ROR1: variants seen among roughly 807,000 people sequenced by gnomAD.
ROR1 encodes ROR family WNT receptor 1.
ROR1 carries 19 observed loss-of-function variants against 78.8 expected under a neutral mutation model. The ratio of observed to expected loss-of-function variants is 0.24; its 90% confidence interval spans 0.17 to 0.35. The LOEUF is 0.35. Among genes scored for constraint, ROR1 ranks in the 10% least tolerant of loss-of-function variants. The probability of loss-of-function intolerance (pLI) is 1.00; values close to 1 mark genes in which losing one functional copy is unlikely to be tolerated. For synonymous variants in ROR1, 386 were observed against 433.6 expected (o/e 0.89, Z 1.36); for missense variants, 917 against 1,177.8 (o/e 0.78, Z 3.24).
intron 4 of ROR1, among the ~76,000 whole-genome samples, chr1:64,125,912 G>T (rs1648697971): frequency 6.6e-6 from 1 of 152,112 alleles, no homozygotes; most frequent in East Asian, 1.9e-4. Flanking sequence ...GTGAGACTGG[G>T]GTTGCATTAC....
chr1:63,975,177 A>G (rs1286930454), intron 1 of ROR1, among the ~76,000 whole-genome samples: 1 of 152,214 alleles, frequency 6.6e-6, no homozygotes, highest in Non-Finnish European at 1.5e-5. Flanking sequence ...AACGAGCAGT[A>G]AAACCAAATG....
intron 1 of ROR1, among the ~76,000 whole-genome samples, chr1:63,803,925 T>G (rs1644811795): frequency 6.6e-6 from 1 of 152,172 alleles, no homozygotes; most frequent in South Asian, 2.1e-4. Flanking sequence ...AAGGGAATTG[T>G]GCTGAGTGAA....
Position 63,972,468 on chromosome 1 carries a change from G to A in ROR1, c.92-36837G>A, listed in dbSNP as rs569878457. On this transcript the variant is annotated intron_variant, in intron 1 of 8. Transcript: ENST00000371079. ...CCTGCAGTGCCTAGCACAGCTTTAG[G>A]CTCAGTAAGGTTTTTTTATTTATTT... 2.0e-4 allele frequency among the ~76,000 whole-genome samples: 31 copies of A among 152,252 alleles called. No homozygotes were observed. In the South Asian group the frequency reaches 6.0e-3, roughly 30 times the overall value.
intron 1 of ROR1, among the ~76,000 whole-genome samples, chr1:63,965,608 C>T (rs548782633): frequency 2.0e-5 from 3 of 152,168 alleles, no homozygotes; most frequent in African/African-American, 4.8e-5. Context: ...CAGGGACTTG[C>T]GTAGTTGCAT....
intron 1 of ROR1, among the ~76,000 whole-genome samples, chr1:63,925,085 C>T (rs1290969410): frequency 6.7e-6 from 1 of 150,174 alleles, no homozygotes; most frequent in Non-Finnish European, 1.5e-5. Context: ...CATATGTATA[C>T]ATGTGCCATG....
chr1:63,931,602 C>T (rs1480495458), intron 1 of ROR1, among the ~76,000 whole-genome samples: 1 of 152,160 alleles, frequency 6.6e-6, no homozygotes, highest in South Asian at 2.1e-4. Context: ...GGTGAAATCT[C>T]ACGCCTTCCT....
chr1:63,878,001 CTGAG>C (rs1398569984), intron 1 of ROR1, among the ~76,000 whole-genome samples: 2 of 152,158 alleles, frequency 1.3e-5, no homozygotes, highest in African/African-American at 4.8e-5. Flanking sequence ...AACATTCCTC[CTGAG>C]TGAGTAGTGC....
intron 1 of ROR1, among the ~76,000 whole-genome samples, chr1:63,992,805 A>G (rs1646306537): frequency 6.6e-6 from 1 of 152,190 alleles, no homozygotes; most frequent in Admixed American, 6.5e-5. Flanking sequence ...ATAGCATGTT[A>G]TTAGTATGAT....
chr1:64,067,874 G>C (rs561303955), intron 4 of ROR1, among the ~76,000 whole-genome samples: 4 of 151,882 alleles, frequency 2.6e-5, no homozygotes, highest in Non-Finnish European at 5.9e-5. Flanking sequence ...CACCGCGCCC[G>C]GGTAATTTTT....
chr1:64,048,096 T>C (rs2100589192), intron 2 of ROR1, among the ~76,000 whole-genome samples: 1 of 152,368 alleles, frequency 6.6e-6, no homozygotes, highest in African/African-American at 2.4e-5. Flanking sequence ...TGAACTCATT[T>C]TACAGACATT....
chr1:64,161,747 A>G (rs888339610), intron 8 of ROR1, among the ~76,000 whole-genome samples: 3 of 152,218 alleles, frequency 2.0e-5, no homozygotes, highest in African/African-American at 7.2e-5. Context: ...TGAACCAGAG[A>G]AGTAGAAATG....
At chr1:63,908,065 T>C (rs1569892217) in intron 1 of ROR1, among the ~76,000 whole-genome samples, 1 of 152,234 alleles carries the variant, frequency 6.6e-6, no homozygotes. Context: ...CTTTGATTTA[T>C]ATAATTACAC....
Position 63,954,607 on chromosome 1 carries a change from A to T in ROR1, c.92-54698A>T, listed in dbSNP as rs981460109. ...GTTTTTGCATCCATGGATTCAACCA[A>T]CCTGGGATCAAAATTATTGGAAAAA... On this transcript the variant is annotated intron_variant, in intron 1 of 8. Transcript: ENST00000371079. Among the ~76,000 whole-genome samples the T allele has an allele frequency of 1.8e-4, 27 of 152,240 alleles. 1 individual carries two copies. Among genetic ancestry groups the T allele is most frequent in the Admixed American group, 1.0e-3 (16 of 15,294 alleles).
At chr1:63,979,408 G>A (rs1646189931) in intron 1 of ROR1, among the ~76,000 whole-genome samples, 1 of 152,156 alleles carries the variant, frequency 6.6e-6, no homozygotes, top group Non-Finnish European at 1.5e-5. Flanking sequence ...CTAGGAACTA[G>A]GCTTGAAGGG....
intron 1 of ROR1, among the ~76,000 whole-genome samples, chr1:63,877,436 G>A (rs913746162): frequency 1.3e-5 from 2 of 152,174 alleles, no homozygotes; most frequent in Admixed American, 1.3e-4. Flanking sequence ...GCCTGACAAT[G>A]TGTATAAGGC....
At chr1:64,001,763 G>A (rs540842415) in intron 1 of ROR1, among the ~76,000 whole-genome samples, 12 of 152,212 alleles carry the variant, frequency 7.9e-5, no homozygotes, top group African/African-American at 2.9e-4. Flanking sequence ...CTCAGATTTC[G>A]CTCTGGCCTA....
intron 1 of ROR1, among the ~76,000 whole-genome samples, chr1:63,998,787 C>A (rs954593971): frequency 2.0e-5 from 3 of 152,150 alleles, no homozygotes; most frequent in Admixed American, 6.5e-5. Context: ...TGGTTTAGCT[C>A]TGTGTCCCCA....
intron 4 of ROR1, among the ~76,000 whole-genome samples, chr1:64,053,745 CATT>C (rs886532627): frequency 2.6e-5 from 4 of 152,202 alleles, no homozygotes; most frequent in African/African-American, 9.6e-5. Flanking sequence ...CTATTTTAAT[CATT>C]GTTATGCATG....
chr1:64,061,041 G>C (rs918328641), intron 4 of ROR1, among the ~76,000 whole-genome samples: 1 of 152,202 alleles, frequency 6.6e-6, no homozygotes, highest in Non-Finnish European at 1.5e-5. Flanking sequence ...CTGAGAGCTT[G>C]TTCACCAGGC....
Sources: allele counts gnomAD v4.1 joint callset (sites outside exome capture counted in the v4.1 genomes callset), GRCh38; gene constraint gnomAD v4.1.1; transcripts MANE v1.5; gene names NCBI Gene and HGNC (gene_info 2026-07-23, HGNC 2026-07-21).